The following DCDC1 variants were observed in gnomAD, a reference collection of about 807,000 sequenced individuals.
The protein encoded by DCDC1 is doublecortin domain containing 1.
DCDC1 carries 200 observed loss-of-function variants against 178.3 expected under a neutral mutation model. The ratio of observed to expected loss-of-function variants is 1.12; its 90% confidence interval spans 1.00 to 1.26. DCDC1 has a LOEUF of 1.26. Ranked by LOEUF, DCDC1 falls within the 50% of genes most tolerant of loss-of-function variation. The pLI is 0.00. For missense variants in DCDC1, 1,983 were observed against 1,749.2 expected, an observed-to-expected ratio of 1.13 and a Z score of -2.38; for synonymous variants, 690 against 604.8, an observed-to-expected ratio of 1.14 and a Z score of -2.07.
chr11:30,955,687 A>G (rs1451996917), intron 20 of DCDC1, among the ~76,000 whole-genome samples: 5 of 152,098 alleles, frequency 3.3e-5, no homozygotes, highest in Admixed American at 6.6e-5. Context: ...TATCCAAGCC[A>G]CTGCATTGAT....
At chr11:31,012,101 C>A (rs949479832) in intron 20 of DCDC1, among the ~76,000 whole-genome samples, 1 of 152,164 alleles carries the variant, frequency 6.6e-6, no homozygotes, top group African/African-American at 2.4e-5. Context: ...CATGCGTCTT[C>A]CTCTTCACCT....
chr11:31,071,125 A>C (rs139183742), intron 18 of DCDC1, among the ~76,000 whole-genome samples: 1 of 152,342 alleles, frequency 6.6e-6, no homozygotes, highest in East Asian at 1.9e-4. Flanking sequence ...CAACGTAAAT[A>C]AATGTAATAA....
chr11:31,149,927 C>T (rs1339564899), intron 9 of DCDC1, among the ~76,000 whole-genome samples: 2 of 152,178 alleles, frequency 1.3e-5, no homozygotes, highest in Admixed American at 1.3e-4. Flanking sequence ...AGAACCCACC[C>T]GAAGGAATAA....
intron 7 of DCDC1, among the ~76,000 whole-genome samples, chr11:31,281,444 T>C (rs972729964): frequency 1.3e-5 from 2 of 151,806 alleles, no homozygotes; most frequent in African/African-American, 2.4e-5. Context: ...GCTATGAAAA[T>C]TTTTTTTTGT....
chr11:31,363,126 G>A (rs1246842628), intron 1 of DCDC1, among the ~76,000 whole-genome samples: 1 of 152,048 alleles, frequency 6.6e-6, no homozygotes, highest in Admixed American at 6.5e-5. Context: ...TTTGAGCATA[G>A]TAATATTAAA....
At chr11:30,921,253 AAGTCCC>A (rs1020240240) in intron 24 of DCDC1, among the ~76,000 whole-genome samples, 3 of 152,202 alleles carry the variant, frequency 2.0e-5, no homozygotes, top group East Asian at 1.9e-4. Flanking sequence ...TCATCAGTGG[AAGTCCC>A]AGTCCCAGTC....
At chr11:31,222,382 A>G (rs1200169068) in intron 9 of DCDC1, among the ~76,000 whole-genome samples, 1 of 152,098 alleles carries the variant, frequency 6.6e-6, no homozygotes, top group Non-Finnish European at 1.5e-5. Flanking sequence ...TTCTAATAAC[A>G]TCTTGCTTAT....
chr11:30,991,788 A>G (rs1951002007), intron 20 of DCDC1, among the ~76,000 whole-genome samples: 1 of 152,224 alleles, frequency 6.6e-6, no homozygotes, highest in African/African-American at 2.4e-5. Flanking sequence ...TTTAAGTAAC[A>G]TGGGTAGCAA....
intron 21 of DCDC1, among the ~76,000 whole-genome samples, chr11:30,935,747 T>C (rs950955204): frequency 1.3e-5 from 2 of 152,126 alleles, no homozygotes; most frequent in African/African-American, 4.8e-5. Context: ...AGAGATGGGG[T>C]TTCACCATGT....
intron 27 of DCDC1, among the ~76,000 whole-genome samples, chr11:30,912,988 T>C (rs868095971): frequency 6.6e-6 from 1 of 152,114 alleles, no homozygotes; most frequent in Non-Finnish European, 1.5e-5. Flanking sequence ...AAGCCACCCA[T>C]CCACATGAAA....
intron 13 of DCDC1, among the ~76,000 whole-genome samples, chr11:31,105,784 C>T (rs1389770319): frequency 6.6e-6 from 1 of 151,984 alleles, no homozygotes; most frequent in Non-Finnish European, 1.5e-5. Context: ...TTTCTGAGTA[C>T]ATTTGTTTCA....
chr11:31,360,114 G>C (rs760832429), intron 1 of DCDC1, among the ~76,000 whole-genome samples: 37 of 152,170 alleles, frequency 2.4e-4, no homozygotes, highest in Non-Finnish European at 4.3e-4. Flanking sequence ...GTCTAGACAT[G>C]GTAGAAAGTA....
chr11:31,109,823 G>A (rs759949413), intron 12 of DCDC1, among the ~76,000 whole-genome samples: 1 of 152,176 alleles, frequency 6.6e-6, no homozygotes, highest in Non-Finnish European at 1.5e-5. Flanking sequence ...AAAGGTAAGA[G>A]TGCCTAAGAT....
chr11:30,875,265 C>G (rs1309702547), intron 38 of DCDC1, among the ~76,000 whole-genome samples: 1 of 152,074 alleles, frequency 6.6e-6, no homozygotes, highest in Non-Finnish European at 1.5e-5. Flanking sequence ...ATGCAGAATT[C>G]TAATTTACTG....
intron 9 of DCDC1, among the ~76,000 whole-genome samples, chr11:31,226,454 C>T (rs1376703775): frequency 6.6e-6 from 1 of 150,910 alleles, no homozygotes; most frequent in Admixed American, 6.6e-5. Flanking sequence ...GAAGGTAAAC[C>T]CCCGAATAAA....
At chr11:31,051,598 G>A (rs991656046) in intron 20 of DCDC1, among the ~76,000 whole-genome samples, 2 of 152,106 alleles carry the variant, frequency 1.3e-5, no homozygotes, top group African/African-American at 2.4e-5. Flanking sequence ...ACCTATAAAG[G>A]AAAACCTATC....
chr11:31,033,915 C>A (rs1953841227), intron 20 of DCDC1, among the ~76,000 whole-genome samples: 1 of 137,476 alleles, frequency 7.3e-6, no homozygotes, highest in Non-Finnish European at 1.5e-5. Context: ...GAGGCCAAGG[C>A]AGGCAGATCA....
chr11:31,265,550 A>C lies in DCDC1; in HGVS notation c.1011T>G (p.Tyr337Ter). The C allele has an allele frequency of 1.4e-6, 2 of 1,448,180 alleles. No individual in the cohort carries two copies. Among genetic ancestry groups the C allele is most frequent in the South Asian group, 3.2e-5 (2 of 62,490 alleles). The allele number at this position is 1,448,180 out of a possible 1,614,324, so 89.7% of individuals were successfully genotyped here. The change falls in exon 8 of 39, where the codon TAT (tyrosine) becomes TAG (stop). Residue 337 changes from tyrosine (Y) to a stop codon, truncating the protein, a stop_gained. Coordinates refer to ENST00000684477, the MANE Select transcript of DCDC1 (RefSeq NM_001387274.1). LOFTEE classifies it high-confidence loss of function. ...IRMNLNLPAR[Y>*]FYDLYGRKIE... Reference sequence around the variant, plus strand: ...TTTTTCTGCCATACAAATCATAAAAATATCTGGCTGGTAAATTTAGATTCA... The same window carrying C: ...TTTTTCTGCCATACAAATCATAAAACTATCTGGCTGGTAAATTTAGATTCA...
intron 20 of DCDC1, among the ~76,000 whole-genome samples, chr11:30,987,668 G>C (rs1950733334): frequency 6.6e-6 from 1 of 152,196 alleles, no homozygotes; most frequent in Non-Finnish European, 1.5e-5. Flanking sequence ...TTTGGGGCCA[G>C]AGGAACAGCT....
Sources: gnomAD v4.1 joint callset for allele counts (sites outside exome capture counted in the v4.1 genomes callset) on GRCh38, gnomAD v4.1.1 for gene constraint, MANE v1.5 for transcripts, NCBI Gene and HGNC (gene_info 2026-07-23, HGNC 2026-07-21) for gene names.